PRUNE2: variants seen among roughly 807,000 people sequenced by gnomAD.
PRUNE2 encodes the protein prune homolog 2 with BCH domain, also known as protein prune homolog 2.
A neutral mutation model predicts 252.0 loss-of-function variants in PRUNE2; 164 were observed. The observed-to-expected ratio is 0.65, with a 90% CI of 0.57 to 0.74. PRUNE2 has a LOEUF of 0.74. Ranked by LOEUF, PRUNE2 falls within the 30% of genes least tolerant of loss-of-function variation. PRUNE2 has a pLI of 0.00. For missense variants in PRUNE2, 3,495 were observed against 3,711.0 expected (o/e 0.94, Z 1.51); for synonymous variants, 1,292 against 1,350.2 (o/e 0.96, Z 0.94).
In PRUNE2 at chr9:76,886,188, T is replaced by TA. The variant is rs755268467; in HGVS notation, c.36+19739dup. Among the ~76,000 whole-genome samples, 780 of 126,830 alleles carry TA rather than the reference T, an allele frequency of 6.1e-3. 12 individuals carry two copies. The highest frequency in any genetic ancestry group is 0.018 in the African/African-American group (630 of 34,386). 83.2% of individuals were successfully genotyped at this position (126,830 alleles called of 152,430 possible). A position where few individuals can be genotyped will look rare whatever the true frequency, so the allele number is the denominator to read the frequency against. On this transcript the variant is annotated intron_variant, in intron 1 of 18. Coordinates refer to ENST00000376718, the MANE Select transcript of PRUNE2 (RefSeq NM_015225.3). Reference sequence around the variant, plus strand: ...CGACAGAGCGAGACTCCGTCTAAATTAAAAAAAAAAAAAAAAGAACTTATG... The same window carrying TA: ...CGACAGAGCGAGACTCCGTCTAAATTAAAAAAAAAAAAAAAAAGAACTTATG...
rs1204062796 is a variant in PRUNE2, at chr9:76,611,553, A to G, written c.*3017T>C. ...GATAGAAAAACCTTTAGATATATAA[A>G]AGATTAATTTGTGCACATCTAAATG... On this transcript the variant is annotated 3_prime_UTR_variant, in exon 19 of 19. Coordinates refer to ENST00000376718, the MANE Select transcript of PRUNE2 (RefSeq NM_015225.3). The G allele has an allele frequency of 6.6e-6, 1 of 152,368 alleles. No individual in the cohort carries two copies. The highest frequency in any genetic ancestry group is 1.5e-5 in the Non-Finnish European group (1 of 68,048). The allele number at this position is 152,368 out of a possible 1,614,324, so 9.4% of individuals were successfully genotyped here.
chr9:76,801,963 C>T (rs1279026780), intron 6 of PRUNE2, among the ~76,000 whole-genome samples: 2 of 152,054 alleles, frequency 1.3e-5, no homozygotes, highest in Non-Finnish European at 2.9e-5. Context: ...ATGGCTACCT[C>T]GTAGACAACA....
rs111402292 is a variant in PRUNE2, at chr9:76,706,806, G to A, written c.5468C>T (p.Ser1823Leu). 6.9e-6 allele frequency: 11 copies of A among 1,603,646 alleles called. No homozygotes were observed. The highest frequency in any genetic ancestry group is 1.7e-4 in the Middle Eastern group (1 of 5,984). ...CTTCCACCACTCAGTGCTATCAGCT[G>A]AGAAGCCCAGCATTTCCAGTTGAGA... ...DNSQLEMLGFSADSTEWWKAS... is the reference protein window; with the variant it reads ...DNSQLEMLGFLADSTEWWKAS... Residue 1823 changes from serine (S) to leucine (L), a missense_variant, in exon 8 of 19, where the codon TCA becomes TTA. Ser to Leu is a moderately radical substitution (Grantham distance 145). Transcript: ENST00000376718.
Position 76,707,506 on chromosome 9 carries a change from C to CT in PRUNE2, c.4767_4768insA (p.Asp1590ArgfsTer20), listed in dbSNP as rs1394681842. On this transcript the variant is annotated frameshift_variant, in exon 8 of 19. Transcript: ENST00000376718. LOFTEE classifies it high-confidence loss of function. ...TTGGTAACTATTTCTACTTGGCCAT[C>CT]AGTGGTAATTAGTTCAGATTCTTGG... is the stretch of plus-strand genomic sequence containing the variant. 8.1e-6 allele frequency: 13 copies of CT among 1,613,808 alleles called. No individual in the cohort carries two copies. Among genetic ancestry groups the CT allele is most frequent in the African/African-American group, 1.3e-5 (1 of 74,902 alleles).
intron 1 of PRUNE2, among the ~76,000 whole-genome samples, chr9:76,901,224 G>A (rs2063151617): frequency 1.3e-5 from 2 of 152,198 alleles, no homozygotes; most frequent in East Asian, 1.9e-4. Context: ...CTAACTCCAG[G>A]ACCAAAAAAA....
At chr9:76,633,174 A>T (rs777611560) in intron 15 of PRUNE2, among the ~76,000 whole-genome samples, 2 of 152,162 alleles carry the variant, frequency 1.3e-5, no homozygotes, top group Non-Finnish European at 2.9e-5. Flanking sequence ...GAAAGCAGAG[A>T]TCATGCCACT....
chr9:76,710,862 G>A lies in PRUNE2; in HGVS notation c.1412C>T (p.Pro471Leu), dbSNP rs144927799. The change falls in exon 8 of 19, where the codon CCC becomes CTC. Residue 471 changes from proline to leucine, a missense_variant. Transcript: ENST00000376718. ...CTCCGCCACCGCCCCTTCAGGGATGGGGCTGTAGGAGTCAAGCCCTGGGAG... is the reference window on the plus strand; with the variant it reads ...CTCCGCCACCGCCCCTTCAGGGATGAGGCTGTAGGAGTCAAGCCCTGGGAG... ...TLLPGLDSYS[P>L]IPEGAVAEEH... 63 of 1,543,950 alleles carry A rather than the reference G, an allele frequency of 4.1e-5. No homozygotes were observed. The East Asian group carries it at 1.4e-3, about 34-fold the overall frequency.
intron 5 of PRUNE2, among the ~76,000 whole-genome samples, chr9:76,824,402 T>C (rs1320407218): frequency 1.3e-5 from 2 of 152,232 alleles, no homozygotes. Context: ...CCATGTTTTC[T>C]AGTATAATTT....
At chr9:76,847,788 T>C (rs527975119) in intron 3 of PRUNE2, among the ~76,000 whole-genome samples, 1 of 152,380 alleles carries the variant, frequency 6.6e-6, no homozygotes, top group Non-Finnish European at 1.5e-5. Context: ...TTGAAAAGCA[T>C]TCTATTTCAT....
At chr9:76,665,749 C>CGG (rs1314859070) in intron 9 of PRUNE2, among the ~76,000 whole-genome samples, 15 of 152,102 alleles carry the variant, frequency 9.9e-5, no homozygotes, top group African/African-American at 3.6e-4. Flanking sequence ...AAATTATCTT[C>CGG]CAGGCCAGGC....
intron 6 of PRUNE2, among the ~76,000 whole-genome samples, chr9:76,802,165 G>A (rs980458672): frequency 6.6e-6 from 1 of 152,034 alleles, no homozygotes; most frequent in Non-Finnish European, 1.5e-5. Context: ...TACTGCAAAT[G>A]TAATACAGAT....
chr9:76,707,854 G>A lies in PRUNE2; in HGVS notation c.4420C>T (p.Pro1474Ser). ...GGTGGCCCTCCACCCACGTTCTCTG[G>A]CTCTAGAAAGTTACATTCTTCAGTT... ...EKTEECNFLE[P>S]ENVGGGPPHR... The change falls in exon 8 of 19, where the codon CCA becomes TCA. Residue 1474 changes from proline to serine, a missense_variant. Pro to Ser is a moderately conservative substitution (Grantham distance 74). Transcript: ENST00000376718. 1 of 1,613,620 alleles carries A rather than the reference G, an allele frequency of 6.2e-7. No individual in the cohort carries two copies. Among genetic ancestry groups the A allele is most frequent in the Non-Finnish European group, 8.5e-7 (1 of 1,179,788 alleles).
chr9:76,778,090 C>T (rs2053994493), intron 6 of PRUNE2, among the ~76,000 whole-genome samples: 2 of 152,174 alleles, frequency 1.3e-5, no homozygotes, highest in Admixed American at 1.3e-4. Flanking sequence ...TTCTAAGGAG[C>T]TTTTAAAAAA....
intron 6 of PRUNE2, among the ~76,000 whole-genome samples, chr9:76,722,200 A>G (rs1158133674): frequency 1.3e-5 from 2 of 150,586 alleles, no homozygotes; most frequent in African/African-American, 4.9e-5. Context: ...CTGGGATTAC[A>G]GGCGTGTGCC....
chr9:76,616,791 TAAC>T (rs1275533398), intron 18 of PRUNE2, among the ~76,000 whole-genome samples: 2 of 152,072 alleles, frequency 1.3e-5, no homozygotes, highest in African/African-American at 2.4e-5. Flanking sequence ...ACAAAGCTAT[TAAC>T]AATGATGCTA....
rs917656504 is a variant in PRUNE2 at position 76,643,491 on chromosome 9, A to T, written c.8728+1248T>A. The stretch of plus-strand genomic sequence containing the variant: ...AGTGTTCCTCTTATGGTTTTCACAT[A>T]AAAACAAAAGGGTTGACTCTACAGC... On this transcript the variant is annotated intron_variant, in intron 12 of 18. Transcript: ENST00000376718. Among the ~76,000 whole-genome samples, 5 of 152,308 alleles carry T rather than the reference A, an allele frequency of 3.3e-5. No individual in the cohort carries two copies. The South Asian group carries it at 1.0e-3, about 32-fold the overall frequency.
At chr9:76,765,891 T>A (rs369581725) in intron 6 of PRUNE2, among the ~76,000 whole-genome samples, 50 of 152,208 alleles carry the variant, frequency 3.3e-4, no homozygotes, top group Admixed American at 1.1e-3. Context: ...TTTAGAAATA[T>A]CTCGTTAGAG....
intron 18 of PRUNE2, among the ~76,000 whole-genome samples, chr9:76,616,064 G>A (rs201463205): frequency 1.3e-4 from 2 of 15,334 alleles, no homozygotes; most frequent in South Asian, 6.9e-4. Context: ...CAGCATGCCC[G>A]GCCCCTCAGT....
At chr9:76,859,742 CTT>C (rs2060450464) in intron 1 of PRUNE2, among the ~76,000 whole-genome samples, 2 of 152,026 alleles carry the variant, frequency 1.3e-5, no homozygotes, top group African/African-American at 4.8e-5. Context: ...GAGTTTCACT[CTT>C]GTTGCCTAGG....
Sources: gnomAD v4.1 joint callset for allele counts (sites outside exome capture counted in the v4.1 genomes callset) on GRCh38, gnomAD v4.1.1 for gene constraint, MANE v1.5 for transcripts, NCBI Gene and HGNC (gene_info 2026-07-23, HGNC 2026-07-21) for gene names.